The following NR6A1 variants were observed in gnomAD, a reference collection of about 807,000 sequenced individuals.
NR6A1 encodes retinoic acid receptor-related testis-associated receptor.
In NR6A1, 7 loss-of-function variants were observed where a neutral mutation model predicts 59.1. The observed-to-expected ratio is 0.12, with a 90% CI of 0.07 to 0.22. The LOEUF (loss-of-function observed/expected upper bound fraction) is 0.22, where lower values mean the gene tolerates loss of function less well. Among genes scored for constraint, NR6A1 ranks in the 10% least tolerant of loss-of-function variants. The probability of loss-of-function intolerance (pLI) is 1.00; values close to 1 mark genes in which losing one functional copy is unlikely to be tolerated. For missense variants in NR6A1, 468 were observed against 611.6 expected, an observed-to-expected ratio of 0.77 and a Z score of 2.48; for synonymous variants, 243 against 236.1, an observed-to-expected ratio of 1.03 and a Z score of -0.27.
chr9:124,651,692 C>T (rs1193468260), intron 2 of NR6A1, among the ~76,000 whole-genome samples: 2 of 152,164 alleles, frequency 1.3e-5, no homozygotes, highest in Non-Finnish European at 1.5e-5. Flanking sequence ...ACGGTTTACA[C>T]TAAAATAGGC....
At chr9:124,671,136 G>A (rs944643819) in intron 2 of NR6A1, among the ~76,000 whole-genome samples, 3 of 152,128 alleles carry the variant, frequency 2.0e-5, no homozygotes, top group African/African-American at 7.2e-5. Context: ...TGTTTTAATG[G>A]GTACAGAATT....
chr9:124,662,729 G>A (rs1003048083), intron 2 of NR6A1, among the ~76,000 whole-genome samples: 10 of 152,286 alleles, frequency 6.6e-5, no homozygotes, highest in African/African-American at 4.8e-5. Context: ...TTTACCAGCC[G>A]ATGTGTGACC....
At position 124,599,643 on chromosome 9, in the gene NR6A1, C is replaced by T. The variant is rs145409688; in HGVS notation, c.143-45073G>A. On this transcript the variant is annotated intron_variant, in intron 2 of 9. Coordinates refer to ENST00000487099, the MANE Select transcript of NR6A1 (RefSeq NM_033334.4). ...CGTCGCCGGCTCCGCGGCCTCTCGG[C>T]GACTACTCGTAGCTCCTTCCCTCTG... 7.5e-4 allele frequency: 876 copies of T among 1,160,954 alleles called. 5 individuals are homozygous for T. In the African/African-American group the frequency reaches 0.013, roughly 17 times the overall value. 71.9% of individuals were successfully genotyped at this position (1,160,954 alleles called of 1,614,324 possible). A position where few individuals can be genotyped will look rare whatever the true frequency, so the allele number is the denominator to read the frequency against.
intron 1 of NR6A1, among the ~76,000 whole-genome samples, chr9:124,748,280 A>G (rs980204851): frequency 1.6e-4 from 25 of 152,312 alleles, no homozygotes; most frequent in South Asian, 6.2e-4. Context: ...TTTCAGCTCT[A>G]AAGTCCATGA....
intron 2 of NR6A1, among the ~76,000 whole-genome samples, chr9:124,600,379 C>T (rs1239373277): frequency 6.6e-6 from 1 of 152,142 alleles, no homozygotes; most frequent in African/African-American, 2.4e-5. Flanking sequence ...ATGAGAGCAA[C>T]TAAGAACATC....
In NR6A1 at chr9:124,588,583, A is replaced by C. The variant is rs139000089; in HGVS notation, c.143-34013T>G. Among the ~76,000 whole-genome samples the C allele has an allele frequency of 0.01, 1,552 of 148,286 alleles. 32 individuals are homozygous for C. The East Asian group carries it at 0.12, about 11-fold the overall frequency. On this transcript the variant is annotated intron_variant, in intron 2 of 9. Transcript: ENST00000487099. Reference sequence around the variant, plus strand: ...TCGGCCTCCCAAGTGCTGGGATTACAGGCGTGAGCCACTGCACCCAGGAAC... The same window carrying C: ...TCGGCCTCCCAAGTGCTGGGATTACCGGCGTGAGCCACTGCACCCAGGAAC...
At chr9:124,601,679 T>C (rs1258982400) in intron 2 of NR6A1, among the ~76,000 whole-genome samples, 2 of 150,992 alleles carry the variant, frequency 1.3e-5, no homozygotes, top group South Asian at 2.1e-4. Flanking sequence ...TATGCTTACA[T>C]AGGCTCAGCA....
intron 2 of NR6A1, among the ~76,000 whole-genome samples, chr9:124,556,754 C>A (rs957921712): frequency 6.6e-6 from 1 of 152,130 alleles, no homozygotes; most frequent in Admixed American, 6.5e-5. Flanking sequence ...AGCCACCACG[C>A]CCGACCTGAT....
rs559167877 is a variant in NR6A1 at position 124,717,053 on chromosome 9, T to G, written c.142+16255A>C. On this transcript the variant is annotated intron_variant, in intron 2 of 9. Coordinates refer to ENST00000487099, the MANE Select transcript of NR6A1 (RefSeq NM_033334.4). ...TCAAGAAATGCAAGTTTAAACCACATCAATCCTATTACAATGCTCACTAGA... is the reference window on the plus strand; with the variant it reads ...TCAAGAAATGCAAGTTTAAACCACAGCAATCCTATTACAATGCTCACTAGA... Among the ~76,000 whole-genome samples the G allele has an allele frequency of 6.0e-4, 92 of 152,262 alleles. 1 individual carries two copies. The South Asian group carries it at 0.018, about 30-fold the overall frequency.
intron 2 of NR6A1, among the ~76,000 whole-genome samples, chr9:124,693,430 G>A (rs1201572967): frequency 2.0e-5 from 3 of 152,184 alleles, no homozygotes; most frequent in African/African-American, 7.2e-5. Context: ...TCCCTCAGCT[G>A]TGGTTTACAG....
At position 124,550,165 on chromosome 9, in the gene NR6A1, G is replaced by A. The variant is rs142596795; in HGVS notation, c.385+4163C>T. ...ATCAGGGGGTATATACAATGTTGGT[G>A]TGTTTTATTGGTACTGTTAATCTTG... On this transcript the variant is annotated intron_variant, in intron 3 of 9. Coordinates refer to ENST00000487099, the MANE Select transcript of NR6A1 (RefSeq NM_033334.4). 1.4e-3 allele frequency among the ~76,000 whole-genome samples: 212 copies of A among 152,222 alleles called. 1 individual carries two copies. The highest frequency in any genetic ancestry group is 4.8e-3 in the African/African-American group (199 of 41,536).
chr9:124,540,235 C>T (rs2131356265), intron 4 of NR6A1, 48 bp from the exon 5 acceptor site: 1 of 1,574,892 alleles, frequency 6.3e-7, no homozygotes. Flanking sequence ...AGGACACTTG[C>T]TCTTTCTTCA....
At chr9:124,661,935 G>C (rs898660131) in intron 2 of NR6A1, among the ~76,000 whole-genome samples, 1 of 152,130 alleles carries the variant, frequency 6.6e-6, no homozygotes, top group African/African-American at 2.4e-5. Context: ...GGACAGTGCT[G>C]ATCTGGGCTA....
chr9:124,590,057 C>G (rs1835064415), intron 2 of NR6A1, among the ~76,000 whole-genome samples: 1 of 68,712 alleles, frequency 1.5e-5, no homozygotes, highest in Non-Finnish European at 2.5e-5. Flanking sequence ...GAGCAAGACT[C>G]TGTCAAAAAA....
chr9:124,539,631 C>A (rs1187109665), intron 5 of NR6A1, among the ~76,000 whole-genome samples: 1 of 152,078 alleles, frequency 6.6e-6, no homozygotes, highest in Non-Finnish European at 1.5e-5. Context: ...TTCAATGTTT[C>A]TTAAAATTTA....
intron 2 of NR6A1, among the ~76,000 whole-genome samples, chr9:124,566,743 G>C (rs373301048): frequency 1.3e-5 from 2 of 152,318 alleles, no homozygotes; most frequent in African/African-American, 2.4e-5. Context: ...GTGGCTGTGA[G>C]AAATGAGGCA....
rs10639098 is a variant in NR6A1, at chr9:124,519,901, C to CAAAAAAAAAAAAA, written c.*2791_*2803dup. ...TGAGCGACAGAGCGAGACTCCGCCTCAAAAAAAAAAAAAAAAAAAAAAAAA... is the reference window on the plus strand; with the variant it reads ...TGAGCGACAGAGCGAGACTCCGCCTCAAAAAAAAAAAAAAAAAAAAAAAAAAAAAAAAAAAAAA... On this transcript the variant is annotated 3_prime_UTR_variant, in exon 10 of 10. Transcript: ENST00000487099. 1.3e-4 allele frequency: 3 copies of CAAAAAAAAAAAAA among 23,902 alleles called. No individual in the cohort carries two copies. The highest frequency in any genetic ancestry group is 6.4e-4 in the Admixed American group (1 of 1,566). The allele number at this position is 23,902 out of a possible 1,614,324, so 1.5% of individuals were successfully genotyped here.
At chr9:124,645,615 C>T (rs4836985) in intron 2 of NR6A1, among the ~76,000 whole-genome samples, 73,692 of 151,912 alleles carry the variant, frequency 0.49, 18,031 homozygotes, top group Admixed American at 0.59. Context: ...TGTGTATGCA[C>T]CTAGTAACAG....
At chr9:124,739,316 T>C (rs1180204614) in intron 1 of NR6A1, among the ~76,000 whole-genome samples, 1 of 152,264 alleles carries the variant, frequency 6.6e-6, no homozygotes, top group African/African-American at 2.4e-5. Flanking sequence ...AAAATAACCA[T>C]CACATTCAAT....
Sources: gnomAD v4.1 joint callset for allele counts (sites outside exome capture counted in the v4.1 genomes callset) on GRCh38, gnomAD v4.1.1 for gene constraint, MANE v1.5 for transcripts, NCBI Gene and HGNC (gene_info 2026-07-23, HGNC 2026-07-21) for gene names.